SLC25A21: variants seen among roughly 807,000 people sequenced by gnomAD.
The protein encoded by SLC25A21 is solute carrier family 25 member 21, also known as mitochondrial 2-oxodicarboxylate carrier.
A neutral mutation model predicts 43.8 loss-of-function variants in SLC25A21; 47 were observed. The observed-to-expected ratio is 1.07, with a 90% CI of 0.85 to 1.37. The LOEUF (loss-of-function observed/expected upper bound fraction) is 1.37, where lower values mean the gene tolerates loss of function less well. Ranked by LOEUF, SLC25A21 falls within the 40% of genes most tolerant of loss-of-function variation. The probability of loss-of-function intolerance (pLI) is 0.00; values close to 1 mark genes in which losing one functional copy is unlikely to be tolerated. For synonymous variants in SLC25A21, 131 were observed against 121.3 expected, an observed-to-expected ratio of 1.08 and a Z score of -0.52; for missense variants, 352 against 350.2, an observed-to-expected ratio of 1.00 and a Z score of -0.04.
Position 36,684,843 on chromosome 14 carries a change from T to C in SLC25A21, c.686A>G (p.Asp229Gly). ...TIASVINIPF[D>G]VAKSRIQGPQ... ...CCCTTGAATCCTACTTTTGGCAACA[T>C]CAAAAGGGATGTTAATGACTGAGGC... Residue 229 changes from aspartate (D) to glycine (G), a missense_variant, in exon 8 of 10, where the codon GAT becomes GGT. Asp to Gly is a moderately conservative substitution (Grantham distance 94). Coordinates refer to ENST00000331299, the MANE Select transcript of SLC25A21 (RefSeq NM_030631.4). 1.2e-6 allele frequency: 2 copies of C among 1,613,936 alleles called. No homozygotes were observed. Among genetic ancestry groups the C allele is most frequent in the South Asian group, 1.1e-5 (1 of 91,048 alleles).
chr14:37,172,211 G>A, intron 1 of SLC25A21, 70 bp downstream of exon 1: 1 of 1,460,082 alleles, frequency 6.8e-7, no homozygotes, highest in Non-Finnish European at 9.3e-7. Flanking sequence ...GACCTGTCTG[G>A]GCAACGGTTT....
At chr14:37,024,387 A>T (rs1383165438) in intron 1 of SLC25A21, among the ~76,000 whole-genome samples, 1 of 152,026 alleles carries the variant, frequency 6.6e-6, no homozygotes, top group African/African-American at 2.4e-5. Context: ...TGATGGTTCT[A>T]TGAAAGCCCT....
chr14:36,913,820 G>A (rs1891755477), intron 1 of SLC25A21, among the ~76,000 whole-genome samples: 1 of 151,990 alleles, frequency 6.6e-6, no homozygotes, highest in Admixed American at 6.6e-5. Context: ...GCACCACATG[G>A]GTATGTCTTT....
At chr14:36,867,440 T>A (rs1890242720) in intron 2 of SLC25A21, among the ~76,000 whole-genome samples, 1 of 152,080 alleles carries the variant, frequency 6.6e-6, no homozygotes, top group South Asian at 2.1e-4. Context: ...ACTGGGCACC[T>A]CCTGAAGGCC....
chr14:37,003,634 T>C (rs1235329808), intron 1 of SLC25A21, among the ~76,000 whole-genome samples: 2 of 152,188 alleles, frequency 1.3e-5, no homozygotes, highest in Admixed American at 1.3e-4. Context: ...ATAGACATCA[T>C]GTTGAGCAAA....
chr14:36,748,850 A>G (rs1885598346), intron 3 of SLC25A21, among the ~76,000 whole-genome samples: 1 of 152,208 alleles, frequency 6.6e-6, no homozygotes, highest in African/African-American at 2.4e-5. Context: ...AATGAACTCC[A>G]GATTCTCCCT....
At chr14:37,089,378 CTAAGTT>C (rs1276302410) in intron 1 of SLC25A21, among the ~76,000 whole-genome samples, 1 of 152,122 alleles carries the variant, frequency 6.6e-6, no homozygotes, top group Non-Finnish European at 1.5e-5. Context: ...AAGTTACATC[CTAAGTT>C]TAAGACCATG....
intron 1 of SLC25A21, among the ~76,000 whole-genome samples, chr14:36,891,736 G>A (rs138479284): frequency 2.0e-5 from 3 of 152,206 alleles, no homozygotes; most frequent in African/African-American, 7.2e-5. Flanking sequence ...GATAGGAGAG[G>A]CAGAGCGCGT....
At chr14:37,063,934 C>A (rs945770686) in intron 1 of SLC25A21, among the ~76,000 whole-genome samples, 1 of 152,144 alleles carries the variant, frequency 6.6e-6, no homozygotes, top group African/African-American at 2.4e-5. Context: ...TTGACTATCA[C>A]GATGATGGTT....
chr14:36,965,073 C>A (rs537115711), intron 1 of SLC25A21, among the ~76,000 whole-genome samples: 2 of 151,950 alleles, frequency 1.3e-5, no homozygotes, highest in African/African-American at 4.8e-5. Flanking sequence ...GAATCTGGAC[C>A]CATTGTCTAA....
chr14:36,838,553 T>A (rs1333906106), intron 2 of SLC25A21, among the ~76,000 whole-genome samples: 2 of 152,222 alleles, frequency 1.3e-5, no homozygotes, highest in African/African-American at 4.8e-5. Flanking sequence ...CTTGAGCTAA[T>A]ATGCCTGGGG....
chr14:37,037,930 A>G (rs1961363875), intron 1 of SLC25A21, among the ~76,000 whole-genome samples: 1 of 152,144 alleles, frequency 6.6e-6, no homozygotes, highest in Non-Finnish European at 1.5e-5. Flanking sequence ...TATGCTGCAG[A>G]TGTTTATATT....
intron 2 of SLC25A21, among the ~76,000 whole-genome samples, chr14:36,872,447 G>A (rs1398098149): frequency 1.3e-5 from 2 of 152,140 alleles, no homozygotes; most frequent in Non-Finnish European, 2.9e-5. Context: ...TGTATAATGT[G>A]ATGGTGAAGA....
At chr14:36,805,134 G>A (rs746270962) in intron 3 of SLC25A21, among the ~76,000 whole-genome samples, 5 of 152,114 alleles carry the variant, frequency 3.3e-5, no homozygotes, top group Non-Finnish European at 5.9e-5. Flanking sequence ...GGTCCTCCTT[G>A]CCTTCTTGTC....
chr14:37,146,169 T>G (rs189763449), intron 1 of SLC25A21, among the ~76,000 whole-genome samples: 128 of 152,362 alleles, frequency 8.4e-4, no homozygotes, highest in African/African-American at 3.1e-3. Flanking sequence ...TGACATTTAT[T>G]CATTCATCTA....
rs556337365 is a variant in SLC25A21 at position 36,894,952 on chromosome 14, T to C, written c.71-19948A>G. 7.2e-5 allele frequency among the ~76,000 whole-genome samples: 11 copies of C among 152,358 alleles called. No homozygotes were observed. The South Asian group carries it at 1.9e-3, about 26-fold the overall frequency. ...CTGGATTTGGTTTGCCAGTATTTTA[T>C]TGAGGATTTTTGCATCGATGTTCAT... On this transcript the variant is annotated intron_variant, in intron 1 of 9. Transcript: ENST00000331299.
intron 1 of SLC25A21, among the ~76,000 whole-genome samples, chr14:36,880,426 C>G (rs1053475350): frequency 1.3e-5 from 2 of 152,168 alleles, no homozygotes; most frequent in Non-Finnish European, 2.9e-5. Flanking sequence ...TAATCTAACT[C>G]TGAAACAGGA....
chr14:37,070,438 T>C (rs1408060455), intron 1 of SLC25A21, among the ~76,000 whole-genome samples: 1 of 152,222 alleles, frequency 6.6e-6, no homozygotes, highest in Non-Finnish European at 1.5e-5. Context: ...AGTCCTAGTA[T>C]GCCAGGATTC....
intron 3 of SLC25A21, among the ~76,000 whole-genome samples, chr14:36,779,611 T>TAC (rs1555327733): frequency 1.3e-4 from 2 of 15,970 alleles, no homozygotes; most frequent in African/African-American, 9.6e-4. Flanking sequence ...TGTGTATACA[T>TAC]ATATATATAT....
Sources: allele counts gnomAD v4.1 joint callset (sites outside exome capture counted in the v4.1 genomes callset), GRCh38; gene constraint gnomAD v4.1.1; transcripts MANE v1.5; gene names NCBI Gene and HGNC (gene_info 2026-07-23, HGNC 2026-07-21).